The following TBC1D1 variants were observed in gnomAD, a reference collection of about 807,000 sequenced individuals.
TBC1D1 encodes TBC1 (tre-2/USP6, BUB2, cdc16) domain family, member 1.
TBC1D1 carries 89 observed loss-of-function variants against 125.6 expected under a neutral mutation model. The observed-to-expected ratio is 0.71, with a 90% CI of 0.60 to 0.85. The LOEUF (loss-of-function observed/expected upper bound fraction) is 0.85, where lower values mean the gene tolerates loss of function less well. Among genes scored for constraint, TBC1D1 ranks in the 40% least tolerant of loss-of-function variants. The probability of loss-of-function intolerance (pLI) is 0.00; values close to 1 mark genes in which losing one functional copy is unlikely to be tolerated. For missense variants in TBC1D1, 1,377 were observed against 1,469.2 expected (o/e 0.94, Z 1.03); for synonymous variants, 565 against 564.1 (o/e 1.00, Z -0.02).
chr4:37,938,729 A>G (rs1443357940), intron 2 of TBC1D1, among the ~76,000 whole-genome samples: 3 of 152,092 alleles, frequency 2.0e-5, no homozygotes, highest in Non-Finnish European at 4.4e-5. Context: ...CCTGTGTCCA[A>G]GTGTTCTCAT....
intron 1 of TBC1D1, among the ~76,000 whole-genome samples, chr4:37,898,439 G>A (rs576534330): frequency 6.6e-6 from 1 of 152,316 alleles, no homozygotes; most frequent in Admixed American, 6.5e-5. Flanking sequence ...AGGGCATTGA[G>A]TGCCTGTGTT....
In TBC1D1 at chr4:37,902,351, G is replaced by A; in HGVS notation, c.256G>A (p.Asp86Asn). Residue 86 changes from aspartate (D) to asparagine (N), a missense_variant, in exon 2 of 20, where the codon GAT becomes AAT. Physicochemically the swap from Asp to Asn is conservative, Grantham distance 23. This residue lies in a region of TBC1D1 where 822 missense variants were observed against 824.6 expected (regional missense o/e 1.00). Coordinates refer to ENST00000261439, the MANE Select transcript of TBC1D1 (RefSeq NM_015173.4). ...TGAGCCAGGGAGAAGTCAACAGTGG[G>A]ATCCCCTGATCTATTCCAGCATCTT... 1 of 1,614,154 alleles carries A rather than the reference G, an allele frequency of 6.2e-7. No homozygotes were observed. The highest frequency in any genetic ancestry group is 8.5e-7 in the Non-Finnish European group (1 of 1,180,036).
intron 19 of TBC1D1, among the ~76,000 whole-genome samples, chr4:38,135,854 ATGTGTGTGTGTATATATATGTGTG>A (rs1560284068): frequency 1.4e-5 from 1 of 69,062 alleles, no homozygotes; most frequent in African/African-American, 4.5e-5. Flanking sequence ...ATATATATAT[ATGTGTGTGTGTATATATATGTGTG>A]TGTGTGTGTA....
At chr4:37,964,334 G>A (rs1411836125) in intron 2 of TBC1D1, among the ~76,000 whole-genome samples, 2 of 152,196 alleles carry the variant, frequency 1.3e-5, no homozygotes, top group Non-Finnish European at 2.9e-5. Flanking sequence ...AGTTGGAAAG[G>A]AGGGTCGGGG....
rs1241020219 is a variant in TBC1D1 at position 38,096,089 on chromosome 4, A to G, written c.2397A>G (p.Gln799=). Residue 799 remains glutamine (Q), a splice_region_variant and synonymous_variant, in exon 14 of 20, where the codon CAA becomes CAG. Transcript: ENST00000261439. ...AAAAAATGCACTCGGCTGTTGGGCAAGGTAAGCTTCATTGGGAAGCATCTA... is the reference window on the plus strand; with the variant it reads ...AAAAAATGCACTCGGCTGTTGGGCAGGGTAAGCTTCATTGGGAAGCATCTA... The G allele has an allele frequency of 1.2e-6, 2 of 1,612,404 alleles. No homozygotes were observed. Among genetic ancestry groups the G allele is most frequent in the Non-Finnish European group, 1.7e-6 (2 of 1,179,082 alleles).
chr4:38,124,367 A>G (rs637334), intron 17 of TBC1D1, among the ~76,000 whole-genome samples: 4,765 of 152,336 alleles, frequency 0.031, 105 homozygotes, highest in Non-Finnish European at 0.048. Context: ...TAAGAACAAA[A>G]TATGGCCAGA....
intron 8 of TBC1D1, among the ~76,000 whole-genome samples, chr4:38,042,069 G>A (rs138834537): frequency 0.018 from 2,699 of 151,864 alleles, 31 homozygotes; most frequent in South Asian, 0.052. Flanking sequence ...CCAGCTACTC[G>A]GGAGGCTGAG....
At chr4:38,083,077 G>T (rs1756854834) in intron 12 of TBC1D1, among the ~76,000 whole-genome samples, 1 of 152,122 alleles carries the variant, frequency 6.6e-6, no homozygotes, top group Non-Finnish European at 1.5e-5. Flanking sequence ...TAGGTGCTCT[G>T]TTCTGTGTCC....
At chr4:38,035,454 A>G in intron 7 of TBC1D1, 134 bp from the exon 8 acceptor site, 2 of 656,108 alleles carry the variant, frequency 3.0e-6, no homozygotes, top group South Asian at 2.1e-5. Context: ...TTTTAGGATC[A>G]TTGGTGCCCC....
chr4:37,974,972 G>T (rs754162089), intron 2 of TBC1D1, among the ~76,000 whole-genome samples: 2 of 152,186 alleles, frequency 1.3e-5, no homozygotes, highest in Non-Finnish European at 2.9e-5. Flanking sequence ...GGGTTGGTGG[G>T]TTTTTTCCCC....
chr4:38,060,132 G>T (rs894366858), intron 12 of TBC1D1, among the ~76,000 whole-genome samples: 1 of 152,140 alleles, frequency 6.6e-6, no homozygotes, highest in African/African-American at 2.4e-5. Context: ...TCATTGATGG[G>T]CATTTGGGTT....
At chr4:38,088,672 T>C (rs1757941993) in intron 12 of TBC1D1, among the ~76,000 whole-genome samples, 1 of 152,170 alleles carries the variant, frequency 6.6e-6, no homozygotes. Context: ...TTACTCTGTG[T>C]TGGGCCCTGT....
At position 37,891,146 on chromosome 4, in the gene TBC1D1, C is replaced by CGCG. The variant is rs1366242850; in HGVS notation, c.-294_-292dup. The stretch of plus-strand genomic sequence containing the variant: ...CGCCGGTGCCTGTTGCTGCCGCCGC[C>CGCG]GCGGGACCTGCTGTGTCCTCAGCTG... On this transcript the variant is annotated 5_prime_UTR_variant, in exon 1 of 20. Coordinates refer to ENST00000261439, the MANE Select transcript of TBC1D1 (RefSeq NM_015173.4). 6.4e-6 allele frequency: 1 copy of CGCG among 156,884 alleles called. No individual in the cohort carries two copies. The highest frequency in any genetic ancestry group is 2.4e-5 in the African/African-American group (1 of 41,478). The allele number at this position is 156,884 out of a possible 1,614,324, so 9.7% of individuals were successfully genotyped here.
chr4:38,003,243 AT>A (rs1163551969), intron 2 of TBC1D1, among the ~76,000 whole-genome samples: 1 of 152,140 alleles, frequency 6.6e-6, no homozygotes, highest in Non-Finnish European at 1.5e-5. Context: ...GACCTCGTGT[AT>A]TTTGTAAGGT....
At chr4:38,132,835 G>T in intron 18 of TBC1D1, 2 of 255,854 alleles carry the variant, frequency 7.8e-6, no homozygotes, top group South Asian at 1.8e-4. Flanking sequence ...TGGAAGGTGA[G>T]TATCAAAAAC....
chr4:37,938,003 C>T (rs1223749474), intron 2 of TBC1D1, among the ~76,000 whole-genome samples: 4 of 152,122 alleles, frequency 2.6e-5, no homozygotes, highest in East Asian at 1.9e-4. Context: ...GTATTCACTC[C>T]GCCTTTGCCC....
intron 1 of TBC1D1, among the ~76,000 whole-genome samples, chr4:37,895,141 G>A (rs908390450): frequency 3.9e-5 from 6 of 152,128 alleles, no homozygotes; most frequent in Non-Finnish European, 8.8e-5. Flanking sequence ...TATGGCCTTG[G>A]GCAGGTGACC....
chr4:37,969,770 G>A (rs1731702591), intron 2 of TBC1D1, among the ~76,000 whole-genome samples: 1 of 152,184 alleles, frequency 6.6e-6, no homozygotes, highest in South Asian at 2.1e-4. Flanking sequence ...TTTACATTCT[G>A]TAACATTTTG....
chr4:38,064,791 T>G (rs1753396515), intron 12 of TBC1D1, among the ~76,000 whole-genome samples: 1 of 151,570 alleles, frequency 6.6e-6, no homozygotes, highest in African/African-American at 2.4e-5. Flanking sequence ...GCCCGGCTAA[T>G]TTTTTGTGTT....
Sources: gnomAD v4.1 joint callset for allele counts (sites outside exome capture counted in the v4.1 genomes callset) on GRCh38, gnomAD v4.1.1 for gene constraint, gnomAD v4.1.1 regional missense constraint, MANE v1.5 for transcripts, NCBI Gene and HGNC (gene_info 2026-07-23, HGNC 2026-07-21) for gene names.